MGMT: variants seen among roughly 807,000 people sequenced by gnomAD.
MGMT encodes the protein O-6-methylguanine-DNA methyltransferase.
In MGMT, 14 loss-of-function variants were observed where a neutral mutation model predicts 15.9. The ratio of observed to expected loss-of-function variants is 0.88; its 90% CI spans 0.58 to 1.37. MGMT has a LOEUF of 1.37. MGMT is among the 40% of genes most tolerant of loss of function. The pLI, the probability that MGMT is intolerant of heterozygous loss-of-function variation, is 0.00. For synonymous variants in MGMT, 130 were observed against 118.2 expected (o/e 1.10, Z -0.65); for missense variants, 282 against 268.1 (o/e 1.05, Z -0.36).
At chr10:129,646,752 A>ATTTTTTTTTTTTTTTTT (rs1180606132) in intron 2 of MGMT, among the ~76,000 whole-genome samples, 1 of 81,884 alleles carries the variant, frequency 1.2e-5, no homozygotes, top group Non-Finnish European at 2.7e-5. Context: ...ATATATATAT[A>ATTTTTTTTTTTTTTTTT]TATTTTCAGG....
At chr10:129,632,257 T>C (rs1040521855) in intron 2 of MGMT, among the ~76,000 whole-genome samples, 1 of 152,276 alleles carries the variant, frequency 6.6e-6, no homozygotes, top group African/African-American at 2.4e-5. Context: ...CTTTCATTTT[T>C]AACTGTACCA....
rs528759785 is a variant in MGMT at position 129,629,693 on chromosome 10, A to G, written c.126-78202A>G. The stretch of plus-strand genomic sequence containing the variant: ...GTAAGGGTTGCTCCACGTTTCTGCC[A>G]TTGCTCACAGATAAAACACATTCAT... On this transcript the variant is annotated intron_variant, in intron 2 of 4. Coordinates refer to ENST00000651593, the MANE Select transcript of MGMT (RefSeq NM_002412.5). 2.0e-5 allele frequency among the ~76,000 whole-genome samples: 3 copies of G among 152,304 alleles called. No homozygotes were observed. In the East Asian group the frequency reaches 5.8e-4, roughly 29 times the overall value.
intron 2 of MGMT, among the ~76,000 whole-genome samples, chr10:129,646,748 A>ATTTTTTTTT (rs1229950159): frequency 9.4e-5 from 6 of 63,638 alleles, no homozygotes; most frequent in Admixed American, 5.2e-4. Flanking sequence ...ATATATATAT[A>ATTTTTTTTT]TATATATTTT....
Position 129,770,723 on chromosome 10 carries a change from T to C in MGMT, c.*3726T>C, listed in dbSNP as rs905708425. ...GAGCAAGGGGGAAAGTGTTTTATTTTACTAGGAAGATTTTACTGAAAGACC... is the reference window on the plus strand; with the variant it reads ...GAGCAAGGGGGAAAGTGTTTTATTTCACTAGGAAGATTTTACTGAAAGACC... On this transcript the variant is annotated 3_prime_UTR_variant, in exon 5 of 5. Coordinates refer to ENST00000651593, the MANE Select transcript of MGMT (RefSeq NM_002412.5). Among the ~76,000 whole-genome samples the C allele has an allele frequency of 2.6e-5, 4 of 152,220 alleles. No homozygotes were observed. Among genetic ancestry groups the C allele is most frequent in the African/African-American group, 9.6e-5 (4 of 41,454 alleles).
chr10:129,603,080 T>C (rs1045558893), intron 2 of MGMT, among the ~76,000 whole-genome samples: 2 of 152,222 alleles, frequency 1.3e-5, no homozygotes, highest in African/African-American at 4.8e-5. Flanking sequence ...TGCAAACTCA[T>C]ATAAACAAGT....
intron 1 of MGMT, among the ~76,000 whole-genome samples, chr10:129,478,120 G>A (rs1421787570): frequency 2.0e-5 from 3 of 152,164 alleles, no homozygotes; most frequent in East Asian, 1.9e-4. Flanking sequence ...TCTGGTAAGC[G>A]GTAGAGGAAC....
intron 1 of MGMT, among the ~76,000 whole-genome samples, chr10:129,521,181 C>A (rs12256432): frequency 5.3e-5 from 8 of 151,968 alleles, no homozygotes; most frequent in Non-Finnish European, 1.2e-4. Flanking sequence ...CCCCGCACAT[C>A]GTCAGAGTGA....
At chr10:129,552,105 G>A (rs1846163790) in intron 2 of MGMT, among the ~76,000 whole-genome samples, 1 of 152,226 alleles carries the variant, frequency 6.6e-6, no homozygotes, top group African/African-American at 2.4e-5. Context: ...TTTTAACTGT[G>A]GAAACTGACC....
intron 2 of MGMT, among the ~76,000 whole-genome samples, chr10:129,644,681 A>G (rs1262896349): frequency 6.6e-6 from 1 of 152,132 alleles, no homozygotes; most frequent in Middle Eastern, 3.4e-3. Flanking sequence ...GGGAAATAAA[A>G]CCTCCCAGAT....
rs368824936 is a variant in MGMT at position 129,653,956 on chromosome 10, G to A, written c.126-53939G>A. ...GGTGGAGCCACCTTTGGGGATGCGG[G>A]GAGAACTTGGTGGCCCTCAGAGACC... On this transcript the variant is annotated intron_variant, in intron 2 of 4. Transcript: ENST00000651593. Among the ~76,000 whole-genome samples the A allele has an allele frequency of 5.1e-4, 78 of 152,216 alleles. No individual in the cohort carries two copies. In the South Asian group the frequency reaches 0.015, roughly 30 times the overall value.
At chr10:129,565,403 T>C (rs959385316) in intron 2 of MGMT, among the ~76,000 whole-genome samples, 3 of 152,220 alleles carry the variant, frequency 2.0e-5, no homozygotes, top group Non-Finnish European at 4.4e-5. Context: ...AAATGTAATA[T>C]TGGTGTGTGG....
intron 2 of MGMT, among the ~76,000 whole-genome samples, chr10:129,572,052 C>A (rs960066247): frequency 6.6e-6 from 1 of 152,168 alleles, no homozygotes; most frequent in East Asian, 1.9e-4. Context: ...AAGCTATAAT[C>A]TTCCTTTAGT....
intron 2 of MGMT, among the ~76,000 whole-genome samples, chr10:129,551,057 C>G (rs1324350870): frequency 6.6e-6 from 1 of 152,184 alleles, no homozygotes; most frequent in African/African-American, 2.4e-5. Context: ...CGTTCCCTAT[C>G]AGAAACCCGA....
intron 2 of MGMT, among the ~76,000 whole-genome samples, chr10:129,665,591 A>C (rs544857560): frequency 3.9e-5 from 6 of 152,194 alleles, no homozygotes; most frequent in African/African-American, 1.4e-4. Context: ...ACAGCAAATC[A>C]GTGGTAGCGA....
At chr10:129,503,814 C>T (rs1845598834) in intron 1 of MGMT, among the ~76,000 whole-genome samples, 1 of 152,162 alleles carries the variant, frequency 6.6e-6, no homozygotes, top group South Asian at 2.1e-4. Context: ...GTAGCAATGC[C>T]CCTGGTCTTA....
At chr10:129,721,620 G>A (rs1349205395) in intron 3 of MGMT, among the ~76,000 whole-genome samples, 4 of 152,156 alleles carry the variant, frequency 2.6e-5, no homozygotes, top group Non-Finnish European at 5.9e-5. Flanking sequence ...GACAACAATA[G>A]CATAGAAGAT....
At chr10:129,651,195 G>A (rs1042298417) in intron 2 of MGMT, among the ~76,000 whole-genome samples, 5 of 152,180 alleles carry the variant, frequency 3.3e-5, no homozygotes, top group Non-Finnish European at 5.9e-5. Flanking sequence ...GCCCCGACCC[G>A]GAGGCTCCTG....
chr10:129,657,939 A>G (rs779528420), intron 2 of MGMT, among the ~76,000 whole-genome samples: 5 of 151,464 alleles, frequency 3.3e-5, no homozygotes, highest in Non-Finnish European at 5.9e-5. Context: ...CCTCTATCCT[A>G]TTTTCTTTGG....
chr10:129,703,353 G>A (rs563869639), intron 2 of MGMT, among the ~76,000 whole-genome samples: 13 of 152,290 alleles, frequency 8.5e-5, no homozygotes, highest in East Asian at 1.9e-4. Context: ...GGACGCCCGC[G>A]TGGGCAGAGG....
Sources: allele counts gnomAD v4.1 joint callset (sites outside exome capture counted in the v4.1 genomes callset), GRCh38; gene constraint gnomAD v4.1.1; transcripts MANE v1.5; gene names NCBI Gene and HGNC (gene_info 2026-07-23, HGNC 2026-07-21).